MAP4: variants seen among roughly 807,000 people sequenced by gnomAD.
MAP4 encodes the protein microtubule-associated protein 4.
A neutral mutation model predicts 170.2 loss-of-function variants in MAP4; 76 were observed. The ratio of observed to expected loss-of-function variants is 0.45; its 90% CI spans 0.37 to 0.54. MAP4 has a LOEUF of 0.54. Among genes scored for constraint, MAP4 ranks in the 20% least tolerant of loss-of-function variants. The probability of loss-of-function intolerance (pLI) is 0.00; values close to 1 mark genes in which losing one functional copy is unlikely to be tolerated. For synonymous variants in MAP4, 909 were observed against 994.5 expected, an observed-to-expected ratio of 0.91 and a Z score of 1.62; for missense variants, 2,506 against 2,748.0, an observed-to-expected ratio of 0.91 and a Z score of 1.97.
intron 1 of MAP4, among the ~76,000 whole-genome samples, chr3:48,074,676 T>TTTTGTGTGTG (rs746281743): frequency 0.06 from 5,474 of 90,570 alleles, 597 homozygotes; most frequent in East Asian, 0.068. Context: ...ATCCAGCTAA[T>TTTTGTGTGTG]TGTGTGTGTG....
At chr3:48,051,401 T>TA (rs1257232128) in intron 1 of MAP4, among the ~76,000 whole-genome samples, 1 of 151,826 alleles carries the variant, frequency 6.6e-6, no homozygotes, top group Non-Finnish European at 1.5e-5. Context: ...AAAGAAAATT[T>TA]AAAAAATTAA....
intron 3 of MAP4, among the ~76,000 whole-genome samples, chr3:47,949,335 G>A (rs1455871420): frequency 6.6e-6 from 1 of 151,898 alleles, no homozygotes; most frequent in Non-Finnish European, 1.5e-5. Flanking sequence ...GTGTGGTGGT[G>A]TGCATCTGTA....
rs2052873823 is a variant in MAP4 at position 47,855,169 on chromosome 3, C to T, written c.6696+79G>A. 2 of 933,070 alleles carry T rather than the reference C, an allele frequency of 2.1e-6. No individual in the cohort carries two copies. The highest frequency in any genetic ancestry group is 2.4e-5 in the East Asian group (1 of 41,538). The allele number at this position is 933,070 out of a possible 1,614,324, so 57.8% of individuals were successfully genotyped here. A position where few individuals can be genotyped will look rare whatever the true frequency, so the allele number is the denominator to read the frequency against. ...GAGACTGAGGGGCGGTGACAGGTGC[C>T]TACCTGTGAGGACCCTGACCCTAAC... is the stretch of plus-strand genomic sequence containing the variant. On this transcript the variant is annotated intron_variant, in intron 19 of 20. Transcript: ENST00000683076. The surrounding 1 kb of genome is among the most constrained non-coding windows in gnomAD (Gnocchi z 5.1).
intron 3 of MAP4, among the ~76,000 whole-genome samples, chr3:47,958,540 C>T (rs1426000681): frequency 1.3e-5 from 2 of 151,858 alleles, no homozygotes; most frequent in South Asian, 2.1e-4. Flanking sequence ...TTTTTGAGAC[C>T]GAGTCTCACT....
At chr3:48,008,954 T>C (rs981441046) in intron 1 of MAP4, among the ~76,000 whole-genome samples, 3 of 152,170 alleles carry the variant, frequency 2.0e-5, no homozygotes, top group African/African-American at 4.8e-5. Context: ...GGCGGATTGA[T>C]TATATTGGAC....
At chr3:47,954,023 A>G (rs1419721783) in intron 3 of MAP4, among the ~76,000 whole-genome samples, 7 of 149,702 alleles carry the variant, frequency 4.7e-5, no homozygotes, top group Admixed American at 4.7e-4. Flanking sequence ...CAAAAAAACA[A>G]AAAAAAAAAC....
At chr3:48,063,499 T>C (rs993035585) in intron 1 of MAP4, among the ~76,000 whole-genome samples, 5 of 152,050 alleles carry the variant, frequency 3.3e-5, no homozygotes, top group Non-Finnish European at 5.9e-5. Context: ...CACTCCTTGA[T>C]ATTTACCCAA....
intron 20 of MAP4, 99 bp from the exon 21 acceptor site, chr3:47,853,037 T>C: frequency 1.2e-6 from 2 of 1,614,216 alleles, no homozygotes; most frequent in Non-Finnish European, 1.7e-6. Flanking sequence ...CATCATTAGA[T>C]GCCTGGAAAA....
At chr3:48,036,782 C>T (rs1224411113) in intron 1 of MAP4, among the ~76,000 whole-genome samples, 1 of 152,146 alleles carries the variant, frequency 6.6e-6, no homozygotes, top group Non-Finnish European at 1.5e-5. Flanking sequence ...AACAAAAGAG[C>T]CTGCAACAGG....
At chr3:48,017,415 T>C (rs1275479205), upstream of MAP4, among the ~76,000 whole-genome samples, 2 of 152,068 alleles carry the variant, frequency 1.3e-5, no homozygotes, top group Non-Finnish European at 1.5e-5. Context: ...GGAAGAATCC[T>C]GAACATCAGG....
intron 1 of MAP4, among the ~76,000 whole-genome samples, chr3:48,085,845 A>G (rs1189097416): frequency 6.6e-6 from 1 of 152,138 alleles, no homozygotes; most frequent in Non-Finnish European, 1.5e-5. Context: ...ACACGAGGTC[A>G]GGAGATAGAG....
chr3:48,038,680 T>C (rs1467561108), intron 1 of MAP4, among the ~76,000 whole-genome samples: 1 of 152,166 alleles, frequency 6.6e-6, no homozygotes, highest in Non-Finnish European at 1.5e-5. Flanking sequence ...CAGGATGGTC[T>C]TGAGCTCCTG....
At chr3:47,904,917 A>G (rs1406209558) in intron 9 of MAP4, among the ~76,000 whole-genome samples, 1 of 152,100 alleles carries the variant, frequency 6.6e-6, no homozygotes, top group Non-Finnish European at 1.5e-5. Context: ...TGATTTGCCT[A>G]CCTCAGCCTC....
intron 10 of MAP4, among the ~76,000 whole-genome samples, chr3:47,899,448 C>T (rs2100028860): frequency 6.6e-6 from 1 of 152,176 alleles, no homozygotes; most frequent in African/African-American, 2.4e-5. Context: ...CCCCTTGCCT[C>T]TAGGTCCTAT....
chr3:47,985,006 G>C (rs2100087739), intron 2 of MAP4, among the ~76,000 whole-genome samples: 1 of 151,580 alleles, frequency 6.6e-6, no homozygotes, highest in African/African-American at 2.4e-5. Context: ...ATTAGGCTGG[G>C]GGGTGGCTCA....
At chr3:47,853,423 G>A in intron 19 of MAP4, 71 bp from the exon 20 acceptor site, 2 of 1,093,564 alleles carry the variant, frequency 1.8e-6, no homozygotes, top group Non-Finnish European at 2.6e-6. Flanking sequence ...TGATGGTGGT[G>A]GGTTTCACAC....
chr3:48,006,052 C>T (rs984064738), intron 1 of MAP4, among the ~76,000 whole-genome samples: 6 of 152,166 alleles, frequency 3.9e-5, no homozygotes, highest in East Asian at 1.9e-4. Flanking sequence ...AGAAGTGAAA[C>T]GGACAGGAAG....
intron 17 of MAP4, among the ~76,000 whole-genome samples, chr3:47,861,545 G>A (rs1281614079): frequency 4.6e-5 from 7 of 151,272 alleles, no homozygotes; most frequent in African/African-American, 1.7e-4. Context: ...TAGAGCCGGG[G>A]TTTCACTGTG....
intron 3 of MAP4, among the ~76,000 whole-genome samples, chr3:47,946,654 CAAAA>C (rs11427271): frequency 9.8e-5 from 4 of 40,818 alleles, no homozygotes; most frequent in African/African-American, 1.9e-4. Context: ...AACTCCGTCT[CAAAA>C]AAAAAAAAAA....
Sources: allele counts gnomAD v4.1 joint callset (sites outside exome capture counted in the v4.1 genomes callset), GRCh38; gene constraint gnomAD v4.1.1; non-coding constraint Gnocchi (gnomAD v3.1); transcripts MANE v1.5; gene names NCBI Gene and HGNC (gene_info 2026-07-23, HGNC 2026-07-21).